Variants in HS6ST3 observed in about 807,000 individuals in gnomAD.
HS6ST3 encodes heparan-sulfate 6-O-sulfotransferase 3.
In HS6ST3, 12 loss-of-function variants were observed where a neutral mutation model predicts 36.7. The observed-to-expected ratio is 0.33, with a 90% CI of 0.21 to 0.53. The LOEUF is 0.53. Ranked by LOEUF, HS6ST3 falls within the 20% of genes least tolerant of loss-of-function variation. The probability of loss-of-function intolerance (pLI) is 0.95; values close to 1 mark genes in which losing one functional copy is unlikely to be tolerated. For synonymous variants in HS6ST3, 240 were observed against 257.5 expected (o/e 0.93, Z 0.65); for missense variants, 584 against 640.9 (o/e 0.91, Z 0.96).
intron 1 of HS6ST3, among the ~76,000 whole-genome samples, chr13:96,670,571 C>T (rs511283): frequency 0.96 from 145,329 of 152,156 alleles, 69,657 homozygotes; most frequent in East Asian, 1. Flanking sequence ...GAATACAAAC[C>T]ACAAGAGTGG....
At chr13:96,199,974 A>G (rs1319914081) in intron 1 of HS6ST3, among the ~76,000 whole-genome samples, 1 of 152,154 alleles carries the variant, frequency 6.6e-6, no homozygotes, top group African/African-American at 2.4e-5. Flanking sequence ...GCGGAAAAAT[A>G]TTTCTGACAC....
chr13:96,565,693 A>C (rs1482368754), intron 1 of HS6ST3, among the ~76,000 whole-genome samples: 1 of 152,128 alleles, frequency 6.6e-6, no homozygotes, highest in African/African-American at 2.4e-5. Context: ...GCTCCAAAGG[A>C]GAGACTTTAA....
intron 1 of HS6ST3, among the ~76,000 whole-genome samples, chr13:96,480,345 C>G (rs1156780098): frequency 6.6e-6 from 1 of 152,080 alleles, no homozygotes; most frequent in Non-Finnish European, 1.5e-5. Flanking sequence ...AACCCCTGAC[C>G]TCAGGTGATC....
At chr13:96,197,895 C>T (rs1349395444) in intron 1 of HS6ST3, among the ~76,000 whole-genome samples, 2 of 152,162 alleles carry the variant, frequency 1.3e-5, no homozygotes, top group Non-Finnish European at 1.5e-5. Context: ...CTCCACTGGG[C>T]AGTGCCCCAG....
At chr13:96,189,037 A>G (rs2054277266) in intron 1 of HS6ST3, among the ~76,000 whole-genome samples, 1 of 152,202 alleles carries the variant, frequency 6.6e-6, no homozygotes, top group South Asian at 2.1e-4. Context: ...TATTTTAATT[A>G]AGCAAGAATG....
chr13:96,154,608 A>G (rs1325076575), intron 1 of HS6ST3, among the ~76,000 whole-genome samples: 1 of 152,198 alleles, frequency 6.6e-6, no homozygotes, highest in Admixed American at 6.5e-5. Context: ...TCAATAAAAA[A>G]GAAGCTTTAA....
chr13:96,559,546 G>A (rs537173355), intron 1 of HS6ST3, among the ~76,000 whole-genome samples: 1 of 152,226 alleles, frequency 6.6e-6, no homozygotes, highest in Admixed American at 6.5e-5. Flanking sequence ...TAAAACACAT[G>A]AAGATATGTG....
At chr13:96,534,417 A>G (rs888548181) in intron 1 of HS6ST3, among the ~76,000 whole-genome samples, 5 of 152,202 alleles carry the variant, frequency 3.3e-5, no homozygotes, top group Admixed American at 3.3e-4. Flanking sequence ...ACTGACTTTT[A>G]TATGTCTCAG....
At chr13:96,544,848 G>C (rs2056191378) in intron 1 of HS6ST3, among the ~76,000 whole-genome samples, 1 of 152,144 alleles carries the variant, frequency 6.6e-6, no homozygotes, top group African/African-American at 2.4e-5. Flanking sequence ...TTGGGCACTG[G>C]AGAAAATCTG....
chr13:96,194,212 G>T (rs2054301585), intron 1 of HS6ST3, among the ~76,000 whole-genome samples: 1 of 152,044 alleles, frequency 6.6e-6, no homozygotes, highest in Non-Finnish European at 1.5e-5. Context: ...AAACCAGGAG[G>T]ATACAAAAAT....
intron 1 of HS6ST3, among the ~76,000 whole-genome samples, chr13:96,818,685 G>C (rs1056686092): frequency 6.6e-6 from 1 of 152,248 alleles, no homozygotes; most frequent in African/African-American, 2.4e-5. Context: ...GGTTGGGAGT[G>C]AGAGAGGAGA....
rs532887044 is a variant in HS6ST3 at position 96,090,776 on chromosome 13, C to T, written c.-87C>T. On this transcript the variant is annotated 5_prime_UTR_variant, in exon 1 of 2. Coordinates refer to ENST00000376705, the MANE Select transcript of HS6ST3 (RefSeq NM_153456.4). ...GAACGGCGGGCTCCGAGCCGCGCCC[C>T]GGAGTCCGCGAAACTTCCGAGCGGG... 47 of 1,149,606 alleles carry T rather than the reference C, an allele frequency of 4.1e-5. No homozygotes were observed. Among genetic ancestry groups the T allele is most frequent in the Non-Finnish European group, 4.9e-5 (44 of 890,408 alleles). The allele number at this position is 1,149,606 out of a possible 1,614,324, so 71.2% of individuals were successfully genotyped here. A position where few individuals can be genotyped will look rare whatever the true frequency, so the allele number is the denominator to read the frequency against.
intron 1 of HS6ST3, among the ~76,000 whole-genome samples, chr13:96,757,313 A>G (rs979517871): frequency 1.3e-5 from 2 of 152,214 alleles, no homozygotes; most frequent in African/African-American, 4.8e-5. Flanking sequence ...AGTGAATTAC[A>G]TAAGGATGTG....
At chr13:96,645,445 C>T (rs1391124600) in intron 1 of HS6ST3, among the ~76,000 whole-genome samples, 1 of 150,778 alleles carries the variant, frequency 6.6e-6, no homozygotes, top group East Asian at 2.0e-4. Flanking sequence ...ACTTTAAATA[C>T]CTATGATTCC....
rs79548983 is a variant in HS6ST3, at chr13:96,225,988, C to T, written c.707+134419C>T. On this transcript the variant is annotated intron_variant, in intron 1 of 1. Coordinates refer to ENST00000376705, the MANE Select transcript of HS6ST3 (RefSeq NM_153456.4). ...ATGACTCACTGATCTTAGTTAAGTGCGTTTTGTTGGGTCTCTGGGCTTCTG... is the reference window on the plus strand; with the variant it reads ...ATGACTCACTGATCTTAGTTAAGTGTGTTTTGTTGGGTCTCTGGGCTTCTG... Among the ~76,000 whole-genome samples the T allele has an allele frequency of 8.3e-4, 127 of 152,156 alleles. 4 individuals carry two copies. In the East Asian group the frequency reaches 0.024, roughly 29 times the overall value.
chr13:96,614,297 C>CAAAAAAAAAAA lies in HS6ST3; in HGVS notation c.708-218172_708-218162dup, dbSNP rs67979751. Among the ~76,000 whole-genome samples the CAAAAAAAAAAA allele has an allele frequency of 5.9e-4, 26 of 43,966 alleles. 1 individual carries two copies. The highest frequency in any genetic ancestry group is 7.9e-4 in the Non-Finnish European group (21 of 26,532). 28.8% of individuals were successfully genotyped at this position (43,966 alleles called of 152,430 possible). On this transcript the variant is annotated intron_variant, in intron 1 of 1. Transcript: ENST00000376705. Reference sequence around the variant, plus strand: ...TGGGCAACAGAGCAAGGATCCATCTCAAAAAAAAAAAAAAAAAAAAAAAAA... The same window carrying CAAAAAAAAAAA: ...TGGGCAACAGAGCAAGGATCCATCTCAAAAAAAAAAAAAAAAAAAAAAAAAAAAAAAAAAAA...
chr13:96,382,786 A>G (rs2055347736), intron 1 of HS6ST3, among the ~76,000 whole-genome samples: 1 of 152,208 alleles, frequency 6.6e-6, no homozygotes, highest in Admixed American at 6.5e-5. Flanking sequence ...GAAAAATAAT[A>G]TCAAAGTTAT....
At chr13:96,322,273 T>C (rs183435808) in intron 1 of HS6ST3, among the ~76,000 whole-genome samples, 1 of 152,022 alleles carries the variant, frequency 6.6e-6, no homozygotes, top group Non-Finnish European at 1.5e-5. Flanking sequence ...GGCTGGATGC[T>C]GTGGCTCGTG....
chr13:96,515,052 A>G (rs889122273), intron 1 of HS6ST3, among the ~76,000 whole-genome samples: 1 of 152,204 alleles, frequency 6.6e-6, no homozygotes, highest in Non-Finnish European at 1.5e-5. Flanking sequence ...CAAGAATTTG[A>G]TCTATCTCTA....
Sources: gnomAD v4.1 joint callset for allele counts (sites outside exome capture counted in the v4.1 genomes callset) on GRCh38, gnomAD v4.1.1 for gene constraint, MANE v1.5 for transcripts, NCBI Gene and HGNC (gene_info 2026-07-23, HGNC 2026-07-21) for gene names.